The following CEP89 variants were observed in gnomAD, a reference collection of about 807,000 sequenced individuals.
CEP89 encodes centrosomal protein 89.
A neutral mutation model predicts 97.6 loss-of-function variants in CEP89; 95 were observed. The ratio of observed to expected loss-of-function variants is 0.97; its 90% confidence interval spans 0.82 to 1.15. CEP89 has a LOEUF of 1.15. Ranked by LOEUF, CEP89 falls within the 50% of genes most tolerant of loss-of-function variation. The pLI, the probability that CEP89 is intolerant of heterozygous loss-of-function variation, is 0.00. For synonymous variants in CEP89, 354 were observed against 349.1 expected (o/e 1.01, Z -0.16); for missense variants, 869 against 947.7 (o/e 0.92, Z 1.09).
chr19:32,943,696 G>C (rs1970735589), intron 5 of CEP89, among the ~76,000 whole-genome samples: 1 of 152,092 alleles, frequency 6.6e-6, no homozygotes, highest in Non-Finnish European at 1.5e-5. Flanking sequence ...TAGGTAGTGG[G>C]GAGGGAGAGT....
At position 32,966,468 on chromosome 19, in the gene CEP89, T is replaced by C. The variant is rs1971286881; in HGVS notation, c.40-2A>G. 2 of 1,503,612 alleles carry C rather than the reference T, an allele frequency of 1.3e-6. No individual in the cohort carries two copies. The highest frequency in any genetic ancestry group is 2.6e-5 in the South Asian group (2 of 76,056). 93.1% of individuals were successfully genotyped at this position (1,503,612 alleles called of 1,614,324 possible). A position where few individuals can be genotyped will look rare whatever the true frequency, so the allele number is the denominator to read the frequency against. On this transcript the variant is annotated splice_acceptor_variant, in intron 1 of 18. Transcript: ENST00000305768. LOFTEE classifies it high-confidence loss of function. ...TAAAAGGCCATGGATGATGTGTTTCTGCACAAATGAAATCCAACAGAAGTC... is the reference window on the plus strand; with the variant it reads ...TAAAAGGCCATGGATGATGTGTTTCCGCACAAATGAAATCCAACAGAAGTC...
intron 1 of CEP89, among the ~76,000 whole-genome samples, chr19:32,966,961 G>A (rs1256449048): frequency 3.3e-5 from 5 of 152,140 alleles, no homozygotes; most frequent in African/African-American, 1.2e-4. Flanking sequence ...GAGTAGACGG[G>A]ACTACAGATG....
intron 7 of CEP89, among the ~76,000 whole-genome samples, chr19:32,935,847 G>A (rs1261455957): frequency 6.6e-6 from 1 of 152,086 alleles, no homozygotes; most frequent in Non-Finnish European, 1.5e-5. Context: ...GGGGGCCCAA[G>A]AAGGCCCCCA....
At chr19:32,900,120 C>G (rs1599721531) in intron 15 of CEP89, 122 bp from the exon 16 acceptor site, 1 of 857,952 alleles carries the variant, frequency 1.2e-6, no homozygotes, top group East Asian at 2.5e-5. Flanking sequence ...TCTTCAGCAA[C>G]CTAAATCTTC....
At chr19:32,923,375 A>T (rs1655773836) in intron 12 of CEP89, 64 bp downstream of exon 12, 1 of 768,226 alleles carries the variant, frequency 1.3e-6, no homozygotes. Context: ...ATAATTTTAT[A>T]ACATATTTTC....
At chr19:32,946,711 CTGA>C (rs1970805431) in intron 5 of CEP89, among the ~76,000 whole-genome samples, 8 of 152,118 alleles carry the variant, frequency 5.3e-5, no homozygotes, top group Admixed American at 5.2e-4. Flanking sequence ...CTCATGAAAT[CTGA>C]TGGTTTTATA....
At position 32,894,131 on chromosome 19, in the gene CEP89, A is replaced by T. The variant is rs375857164; in HGVS notation, c.1875+5726T>A. On this transcript the variant is annotated intron_variant, in intron 16 of 18. Coordinates refer to ENST00000305768, the MANE Select transcript of CEP89 (RefSeq NM_032816.5). ...TGCTTGAATCCAGATGTTCAAGGTT[A>T]GCCTGGGCAACATAGTGAAAATCCA... Among the ~76,000 whole-genome samples the T allele has an allele frequency of 1.1e-4, 16 of 152,340 alleles. 1 individual carries two copies. In the South Asian group the frequency reaches 3.3e-3, roughly 32 times the overall value.
At chr19:32,959,804 C>A (rs1971126086) in intron 3 of CEP89, 96 bp downstream of exon 3, 3 of 1,303,098 alleles carry the variant, frequency 2.3e-6, no homozygotes, top group African/African-American at 2.9e-5. Flanking sequence ...TACACATGCA[C>A]ACACATGTAC....
chr19:32,964,250 G>T (rs1971235399), intron 2 of CEP89, among the ~76,000 whole-genome samples: 1 of 151,676 alleles, frequency 6.6e-6, no homozygotes, highest in Admixed American at 6.6e-5. Flanking sequence ...TGGGCTCACT[G>T]CAACCTCTGC....
chr19:32,899,248 AG>A (rs1969712716), intron 16 of CEP89, among the ~76,000 whole-genome samples: 1 of 151,462 alleles, frequency 6.6e-6, no homozygotes, highest in African/African-American at 2.4e-5. Context: ...CTCCTACCTG[AG>A]TTTCCTGAGT....
At chr19:32,895,722 G>C (rs1018220556) in intron 16 of CEP89, among the ~76,000 whole-genome samples, 2 of 149,072 alleles carry the variant, frequency 1.3e-5, no homozygotes, top group African/African-American at 4.9e-5. Flanking sequence ...GAAAAAACTA[G>C]ACTTCACCAA....
rs200723227 is a variant in CEP89 at position 32,939,839 on chromosome 19, T to A, written c.624+18A>T. 3.8e-4 allele frequency: 425 copies of A among 1,133,024 alleles called. 1 individual carries two copies. In the African/African-American group the frequency reaches 5.4e-3, roughly 14 times the overall value. The allele number at this position is 1,133,024 out of a possible 1,614,324, so 70.2% of individuals were successfully genotyped here. ...TCTATTTATTGAGAAAATCAGTTTT[T>A]AAAAAAAATGATCTTACCTTTAAAT... On this transcript the variant is annotated intron_variant, in intron 6 of 18. Transcript: ENST00000305768.
chr19:32,953,867 C>CT (rs11339044), intron 3 of CEP89, 66 bp from the exon 4 acceptor site: 9,499 of 606,456 alleles, frequency 0.016, 6 homozygotes, highest in Middle Eastern at 0.02. Flanking sequence ...TGATAAATAT[C>CT]TTTTTTTTTT....
chr19:32,940,610 T>G (rs1970668781), intron 5 of CEP89, among the ~76,000 whole-genome samples: 1 of 152,200 alleles, frequency 6.6e-6, no homozygotes, highest in Non-Finnish European at 1.5e-5. Context: ...AGTTGTTCCT[T>G]GAAGCAAACT....
chr19:32,952,436 G>A (rs1480018805), intron 4 of CEP89, among the ~76,000 whole-genome samples: 2 of 151,338 alleles, frequency 1.3e-5, no homozygotes, highest in African/African-American at 2.4e-5. Context: ...AGCTAGGATC[G>A]TGCCACTGCA....
chr19:32,939,653 G>A (rs2145939298), intron 6 of CEP89, among the ~76,000 whole-genome samples: 1 of 150,360 alleles, frequency 6.7e-6, no homozygotes, highest in South Asian at 2.1e-4. Flanking sequence ...ACTCCAGTCT[G>A]GGTGACAGTG....
intron 13 of CEP89, 126 bp from the exon 14 acceptor site, chr19:32,915,643 A>G (rs7246326): frequency 0.88 from 761,404 of 867,612 alleles, 334,968 homozygotes; most frequent in African/African-American, 0.98. Flanking sequence ...CTTTTGAGCC[A>G]GACGTGGTGG....
chr19:32,937,584 C>T, intron 7 of CEP89, 47 bp downstream of exon 7: 2 of 1,361,734 alleles, frequency 1.5e-6, no homozygotes, highest in Non-Finnish European at 1.0e-6. Flanking sequence ...TCTGGATATT[C>T]TCCAAAACAA....
chr19:32,959,046 CA>C (rs34340476), intron 3 of CEP89, among the ~76,000 whole-genome samples: 35,292 of 102,332 alleles, frequency 0.34, 4,348 homozygotes, highest in Admixed American at 0.42. Context: ...ACAAACAAAA[CA>C]AAAAAAAAAA....
Sources: allele counts gnomAD v4.1 joint callset (sites outside exome capture counted in the v4.1 genomes callset), GRCh38; gene constraint gnomAD v4.1.1; transcripts MANE v1.5; gene names NCBI Gene and HGNC (gene_info 2026-07-23, HGNC 2026-07-21).